FHOD3: variants seen among roughly 807,000 people sequenced by gnomAD.
FHOD3 encodes the protein formin homology 2 domain containing 3.
In FHOD3, 90 loss-of-function variants were observed where a neutral mutation model predicts 173.0. That is an observed-to-expected ratio of 0.52 (90% CI 0.44 to 0.62). The LOEUF (loss-of-function observed/expected upper bound fraction) is 0.62, where lower values mean the gene tolerates loss of function less well. Ranked by LOEUF, FHOD3 falls within the 20% of genes least tolerant of loss-of-function variation. The pLI is 0.00. For missense variants in FHOD3, 1,945 were observed against 2,034.7 expected (o/e 0.96, Z 0.85); for synonymous variants, 828 against 823.0 (o/e 1.01, Z -0.10).
At chr18:36,549,641 C>G (rs1229543707) in intron 5 of FHOD3, among the ~76,000 whole-genome samples, 1 of 147,984 alleles carries the variant, frequency 6.8e-6, no homozygotes, top group African/African-American at 2.5e-5. Context: ...AGGTTCATGC[C>G]ATTCTCCTGC....
At position 36,716,914 on chromosome 18, in the gene FHOD3, A is replaced by ATGTGTGTGTGTG. The variant is rs57041859; in HGVS notation, c.2534-890_2534-879dup. 4.2e-3 allele frequency among the ~76,000 whole-genome samples: 574 copies of ATGTGTGTGTGTG among 136,886 alleles called. 9 individuals carry two copies. The highest frequency in any genetic ancestry group is 0.015 in the African/African-American group (546 of 37,084). The allele number at this position is 136,886 out of a possible 152,430, so 89.8% of individuals were successfully genotyped here. On this transcript the variant is annotated intron_variant, in intron 18 of 28. Coordinates refer to ENST00000590592, the MANE Select transcript of FHOD3 (RefSeq NM_001281740.3). The stretch of plus-strand genomic sequence containing the variant: ...AAGACGGGGGAAATTATATATGTGT[A>ATGTGTGTGTGTG]TGTGTGTGTGTGTGTGTGTGTGTGT...
In FHOD3 at chr18:36,709,659, TAAG is replaced by T. The variant is rs533837894; in HGVS notation, c.2533+269_2533+271del. 6.7e-3 allele frequency: 2,918 copies of T among 432,392 alleles called. 12 individuals carry two copies. The highest frequency in any genetic ancestry group is 0.01 in the Middle Eastern group (17 of 1,646). 26.8% of individuals were successfully genotyped at this position (432,392 alleles called of 1,614,324 possible). The stretch of plus-strand genomic sequence containing the variant: ...CCACACCTGGGGAAAAGGGCCCCGA[TAAG>T]GAGGGCTTTTCCTGAGGAATAAGCC... On this transcript the variant is annotated intron_variant, in intron 18 of 28. Coordinates refer to ENST00000590592, the MANE Select transcript of FHOD3 (RefSeq NM_001281740.3).
At chr18:36,467,331 G>A (rs753118901) in intron 3 of FHOD3, among the ~76,000 whole-genome samples, 7 of 152,318 alleles carry the variant, frequency 4.6e-5, no homozygotes, top group Non-Finnish European at 5.9e-5. Context: ...ATTGTGTGAA[G>A]AACATCTTCA....
At chr18:36,475,225 C>A (rs1322509498) in intron 3 of FHOD3, among the ~76,000 whole-genome samples, 1 of 152,094 alleles carries the variant, frequency 6.6e-6, no homozygotes, top group Non-Finnish European at 1.5e-5. Context: ...TGTGGCTTTT[C>A]CCCTTGTTTT....
intron 2 of FHOD3, among the ~76,000 whole-genome samples, chr18:36,364,969 T>C (rs1432766733): frequency 6.6e-6 from 1 of 152,236 alleles, no homozygotes; most frequent in African/African-American, 2.4e-5. Context: ...CCAGCAGGAT[T>C]TCCCAGGAGC....
intron 10 of FHOD3, among the ~76,000 whole-genome samples, chr18:36,647,766 G>A (rs139374460): frequency 5.3e-5 from 8 of 152,292 alleles, no homozygotes; most frequent in East Asian, 1.9e-4. Flanking sequence ...TCAAGTATAC[G>A]TAACTATGTC....
chr18:36,602,363 A>G (rs1414583782), intron 7 of FHOD3, among the ~76,000 whole-genome samples: 2 of 152,302 alleles, frequency 1.3e-5, no homozygotes, highest in Admixed American at 6.5e-5. Flanking sequence ...CAGAGTTGCA[A>G]TGATTGGATT....
intron 1 of FHOD3, among the ~76,000 whole-genome samples, chr18:36,321,807 A>G (rs2044408634): frequency 6.6e-6 from 1 of 152,208 alleles, no homozygotes; most frequent in African/African-American, 2.4e-5. Context: ...GGCACTTCCC[A>G]TCTACAGAGG....
At chr18:36,778,582 T>C (rs1478920919) in intron 28 of FHOD3, 2 of 152,154 alleles carry the variant, frequency 1.3e-5, no homozygotes, top group African/African-American at 4.8e-5. Context: ...TACTAAACAA[T>C]GGGAATACCA....
At chr18:36,338,529 C>T (rs2847515) in intron 1 of FHOD3, among the ~76,000 whole-genome samples, 90,436 of 152,080 alleles carry the variant, frequency 0.59, 30,259 homozygotes, top group Middle Eastern at 0.8. Context: ...GTCCTGCAGG[C>T]CCCATCATTT....
chr18:36,609,118 A>G (rs1461936157), intron 8 of FHOD3, among the ~76,000 whole-genome samples: 3 of 152,266 alleles, frequency 2.0e-5, no homozygotes, highest in African/African-American at 7.2e-5. Context: ...CCTTGTCAAG[A>G]CAAAGTCTAA....
chr18:36,593,066 A>G (rs1232544580), intron 6 of FHOD3, among the ~76,000 whole-genome samples: 1 of 152,126 alleles, frequency 6.6e-6, no homozygotes, highest in African/African-American at 2.4e-5. Flanking sequence ...CCCAAAAAGA[A>G]CCAATGAAAA....
chr18:36,656,115 C>T (rs982290487), intron 13 of FHOD3, among the ~76,000 whole-genome samples: 15 of 152,266 alleles, frequency 9.9e-5, no homozygotes, highest in Admixed American at 6.5e-4. Flanking sequence ...TGCTAGGTGT[C>T]GTGCGGGGCA....
intron 6 of FHOD3, among the ~76,000 whole-genome samples, chr18:36,580,424 C>T (rs2058807303): frequency 6.6e-6 from 1 of 152,208 alleles, no homozygotes; most frequent in South Asian, 2.1e-4. Flanking sequence ...CAAGAGTCAG[C>T]CTGTGCCTTG....
At chr18:36,779,108 C>T (rs2043908571) in intron 28 of FHOD3, 3 of 327,972 alleles carry the variant, frequency 9.1e-6, no homozygotes, top group Non-Finnish European at 1.7e-5. Flanking sequence ...CTCTCCTGCC[C>T]TCTGCACTTC....
intron 3 of FHOD3, among the ~76,000 whole-genome samples, chr18:36,459,180 G>A (rs1198330378): frequency 1.3e-5 from 2 of 152,158 alleles, no homozygotes. Flanking sequence ...TGCCCCTTTG[G>A]GGAACAGAAG....
At chr18:36,696,646 C>T (rs2039299434) in intron 17 of FHOD3, among the ~76,000 whole-genome samples, 1 of 152,174 alleles carries the variant, frequency 6.6e-6, no homozygotes. Flanking sequence ...CCCCTAATCC[C>T]CACCACCAAG....
At chr18:36,365,051 T>C (rs539539261) in intron 2 of FHOD3, among the ~76,000 whole-genome samples, 2 of 152,184 alleles carry the variant, frequency 1.3e-5, no homozygotes, top group South Asian at 4.2e-4. Context: ...GACAAGAGAA[T>C]GAGCTAATCA....
chr18:36,704,069 T>C (rs935718149), intron 17 of FHOD3, among the ~76,000 whole-genome samples: 3 of 152,206 alleles, frequency 2.0e-5, no homozygotes, highest in Admixed American at 1.3e-4. Context: ...GAGGATACCC[T>C]GGACCCCTTC....
Sources: allele counts gnomAD v4.1 joint callset (sites outside exome capture counted in the v4.1 genomes callset), GRCh38; gene constraint gnomAD v4.1.1; transcripts MANE v1.5; gene names NCBI Gene and HGNC (gene_info 2026-07-23, HGNC 2026-07-21).